The following CDC7 variants were observed in gnomAD, a reference collection of about 807,000 sequenced individuals.
CDC7 encodes cell division cycle 7-related protein kinase.
Under a neutral mutation model 53.5 loss-of-function variants are expected in CDC7, and 34 were observed. The observed-to-expected ratio is 0.64, with a 90% CI of 0.48 to 0.85. The LOEUF (loss-of-function observed/expected upper bound fraction) is 0.85, where lower values mean the gene tolerates loss of function less well. Among genes scored for constraint, CDC7 ranks in the 40% least tolerant of loss-of-function variants. The probability of loss-of-function intolerance (pLI) is 0.00; values close to 1 mark genes in which losing one functional copy is unlikely to be tolerated. For missense variants in CDC7, 594 were observed against 679.7 expected, an observed-to-expected ratio of 0.87 and a Z score of 1.40; for synonymous variants, 211 against 222.8, an observed-to-expected ratio of 0.95 and a Z score of 0.47.
At position 91,523,196 on chromosome 1, in the gene CDC7, A is replaced by G. The variant is rs1198250931; in HGVS notation, c.1331-845A>G. On this transcript the variant is annotated intron_variant, in intron 11 of 11. Transcript: ENST00000234626. ...GAGTCTCTGCTTTCACAGAGCTTAA[A>G]TTCTAGTGAGGGAGAGAACATAAAT... is the stretch of plus-strand genomic sequence containing the variant. Among the ~76,000 whole-genome samples, 4 of 152,188 alleles carry G rather than the reference A, an allele frequency of 2.6e-5. No individual in the cohort carries two copies. In the East Asian group the frequency reaches 7.7e-4, roughly 29 times the overall value.
intron 4 of CDC7, among the ~76,000 whole-genome samples, chr1:91,510,285 A>T (rs1341051876): frequency 1.3e-5 from 2 of 149,760 alleles, no homozygotes; most frequent in African/African-American, 4.9e-5. Flanking sequence ...AGATTCTCCT[A>T]TTTTTTTTTA....
rs1351544686 is a variant in CDC7, at chr1:91,515,840, C to T, written c.1144C>T (p.Pro382Ser). 6.2e-7 allele frequency: 1 copy of T among 1,613,762 alleles called. No individual in the cohort carries two copies. The highest frequency in any genetic ancestry group is 1.7e-5 in the Admixed American group (1 of 59,996). The change falls in exon 10 of 12, where the codon CCA (proline) becomes TCA (serine). Residue 382 changes from proline to serine, a missense_variant. Pro to Ser is a moderately conservative substitution (Grantham distance 74). Transcript: ENST00000234626. ...PRAGTPGFRA[P>S]EVLTKCPNQT... The stretch of plus-strand genomic sequence containing the variant: ...GGCAGGTACACCAGGATTCAGAGCA[C>T]CAGAGGTCTTGACAAAGTGCCCCAA...
At position 91,501,496 on chromosome 1, in the gene CDC7, A is replaced by G. The variant is rs575262179; in HGVS notation, c.-63-158A>G. The G allele has an allele frequency of 6.3e-5, 30 of 478,524 alleles. 1 individual carries two copies. In the East Asian group the frequency reaches 9.3e-4, roughly 15 times the overall value. The allele number at this position is 478,524 out of a possible 1,614,324, so 29.6% of individuals were successfully genotyped here. ...TGTTTCTGATAGGTGAAAATAAAGC[A>G]CATGGAATTCCTTAGACAAGGCCAC... On this transcript the variant is annotated intron_variant, in intron 1 of 11. Transcript: ENST00000234626.
rs757746972 is a variant in CDC7, at chr1:91,507,837, T to G, written c.116-17T>G. The G allele has an allele frequency of 2.4e-6, 3 of 1,260,834 alleles. No homozygotes were observed. In the Admixed American group the frequency reaches 6.5e-5, roughly 28 times the overall value. 78.1% of individuals were successfully genotyped at this position (1,260,834 alleles called of 1,614,324 possible). A position where few individuals can be genotyped will look rare whatever the true frequency, so the allele number is the denominator to read the frequency against. ...ACTGTCATTGATTAAAACTCTAAAT[T>G]TTTGTTTCCTTGAAAGGTGTTAAAA... On this transcript the variant is annotated splice_polypyrimidine_tract_variant and intron_variant, in intron 2 of 11. Coordinates refer to ENST00000234626, the MANE Select transcript of CDC7 (RefSeq NM_003503.4).
rs780244352 is a variant in CDC7 at position 91,515,838 on chromosome 1, C to A, written c.1142C>A (p.Ala381Glu). 6.2e-7 allele frequency: 1 copy of A among 1,613,668 alleles called. No individual in the cohort carries two copies. The highest frequency in any genetic ancestry group is 8.5e-7 in the Non-Finnish European group (1 of 1,179,832). ...APRAGTPGFR[A>E]PEVLTKCPNQ... is the part of the protein sequence containing the mutation. ...AGGGCAGGTACACCAGGATTCAGAGCACCAGAGGTCTTGACAAAGTGCCCC... is the reference window on the plus strand; with the variant it reads ...AGGGCAGGTACACCAGGATTCAGAGAACCAGAGGTCTTGACAAAGTGCCCC... Residue 381 changes from alanine to glutamate, a missense_variant, in exon 10 of 12, where the codon GCA becomes GAA. Ala to Glu is a moderately radical substitution (Grantham distance 107). Coordinates refer to ENST00000234626, the MANE Select transcript of CDC7 (RefSeq NM_003503.4).
At chr1:91,509,484 A>T (rs539699290) in intron 4 of CDC7, among the ~76,000 whole-genome samples, 15 of 151,688 alleles carry the variant, frequency 9.9e-5, no homozygotes, top group Non-Finnish European at 1.5e-4. Flanking sequence ...CATTTTCTCT[A>T]TTTCTCTCCT....
chr1:91,518,558 C>T (rs769367610), intron 10 of CDC7, among the ~76,000 whole-genome samples: 22 of 152,028 alleles, frequency 1.4e-4, no homozygotes, highest in Non-Finnish European at 2.4e-4. Context: ...TATTCAGCCA[C>T]GAAAAAGAAG....
intron 9 of CDC7, among the ~76,000 whole-genome samples, chr1:91,515,369 C>T (rs972993012): frequency 6.6e-6 from 1 of 152,156 alleles, no homozygotes; most frequent in Admixed American, 6.6e-5. Context: ...CCACCTCCAA[C>T]TCTTTGACTC....
intron 2 of CDC7, among the ~76,000 whole-genome samples, chr1:91,503,987 C>T (rs1172820686): frequency 6.6e-6 from 1 of 151,692 alleles, no homozygotes; most frequent in Non-Finnish European, 1.5e-5. Flanking sequence ...ATTCAATCAC[C>T]TTTTACTATT....
Position 91,501,668 on chromosome 1 carries a change from C to T in CDC7, c.-49C>T, listed in dbSNP as rs748627269. The T allele has an allele frequency of 2.6e-5, 34 of 1,319,936 alleles. No homozygotes were observed. The South Asian group carries it at 3.8e-4, about 15-fold the overall frequency. 81.8% of individuals were successfully genotyped at this position (1,319,936 alleles called of 1,614,324 possible). ...AATTTTCACAGCTGCTTTGCTCCCC[C>T]TGTGGATGTAACCCCTTAGCTGGCA... On this transcript the variant is annotated 5_prime_UTR_variant, in exon 2 of 12. Coordinates refer to ENST00000234626, the MANE Select transcript of CDC7 (RefSeq NM_003503.4).
intron 2 of CDC7, among the ~76,000 whole-genome samples, chr1:91,505,546 T>G (rs942819498): frequency 1.3e-5 from 2 of 152,246 alleles, no homozygotes; most frequent in African/African-American, 4.8e-5. Flanking sequence ...AATGTCAAAA[T>G]AGAAGCCTAG....
intron 4 of CDC7, among the ~76,000 whole-genome samples, chr1:91,509,922 A>T (rs1405760020): frequency 6.6e-6 from 1 of 152,126 alleles, no homozygotes; most frequent in Non-Finnish European, 1.5e-5. Flanking sequence ...CTGACCCTTC[A>T]TCTTCTGATC....
chr1:91,513,249 C>CT lies in CDC7; in HGVS notation c.765dup (p.Val256CysfsTer2). 2 of 1,613,302 alleles carry CT rather than the reference C, an allele frequency of 1.2e-6. No homozygotes were observed. The highest frequency in any genetic ancestry group is 1.7e-6 in the Non-Finnish European group (2 of 1,179,370). On this transcript the variant is annotated frameshift_variant, in exon 7 of 12. Transcript: ENST00000234626. LOFTEE classifies it high-confidence loss of function. ...GATCAGCAGTCCACCACAAAAGCTT[C>CT]TGTTAAAAGACCCTACACAAATGCA...
chr1:91,504,028 T>C (rs1666847189), intron 2 of CDC7, among the ~76,000 whole-genome samples: 1 of 152,108 alleles, frequency 6.6e-6, no homozygotes. Context: ...TTTTTTCCTA[T>C]TAAGAAAAAT....
Position 91,501,800 on chromosome 1 carries a change from A to T in CDC7, c.84A>T (p.Leu28Phe), listed in dbSNP as rs1666702188. 8 of 1,606,732 alleles carry T rather than the reference A, an allele frequency of 5.0e-6. No individual in the cohort carries two copies. Among genetic ancestry groups the T allele is most frequent in the Non-Finnish European group, 6.8e-6 (8 of 1,174,152 alleles). The change falls in exon 2 of 12, where the codon TTA (leucine) becomes TTT (phenylalanine). Residue 28 changes from leucine to phenylalanine, a missense_variant. Leu to Phe is a conservative substitution (Grantham distance 22). Transcript: ENST00000234626. The stretch of plus-strand genomic sequence containing the variant: ...ACCGGTTTCAGGCTGAAGGCTCTTT[A>T]AAAAAAAACGAGCAGAATTTTAAAC... ...QRDRFQAEGSLKKNEQNFKLA... is the reference protein window; with the variant it reads ...QRDRFQAEGSFKKNEQNFKLA...
At chr1:91,510,712 T>C (rs776477256) in intron 4 of CDC7, among the ~76,000 whole-genome samples, 3 of 148,418 alleles carry the variant, frequency 2.0e-5, no homozygotes, top group Non-Finnish European at 4.4e-5. Flanking sequence ...GTCAGGCAAA[T>C]TGTCTTCAGG....
intron 2 of CDC7, 53 bp from the exon 3 acceptor site, chr1:91,507,801 C>A: frequency 2.7e-6 from 3 of 1,098,466 alleles, no homozygotes; most frequent in South Asian, 1.5e-5. Flanking sequence ...TTTTAAGAAA[C>A]TGTAAAATAT....
intron 2 of CDC7, 63 bp downstream of exon 2, chr1:91,501,894 T>C (rs1666710571): frequency 9.0e-7 from 1 of 1,109,408 alleles, no homozygotes; most frequent in Admixed American, 1.8e-5. Flanking sequence ...TTCTGTGTTT[T>C]CAATTCCTCT....
At chr1:91,523,674 A>G (rs1399358214) in intron 11 of CDC7, among the ~76,000 whole-genome samples, 3 of 152,158 alleles carry the variant, frequency 2.0e-5, no homozygotes, top group African/African-American at 4.8e-5. Flanking sequence ...CATGTAGTCA[A>G]AGACATAGAA....
Sources: gnomAD v4.1 joint callset for allele counts (sites outside exome capture counted in the v4.1 genomes callset) on GRCh38, gnomAD v4.1.1 for gene constraint, MANE v1.5 for transcripts, NCBI Gene and HGNC (gene_info 2026-07-23, HGNC 2026-07-21) for gene names.